ELOC: variants seen among roughly 807,000 people sequenced by gnomAD.
ELOC encodes the protein elongin C, also known as elongin-C.
For missense variants in ELOC, 38 were observed against 139.0 expected, an observed-to-expected ratio of 0.27 and a Z score of 3.65; for synonymous variants, 40 against 51.3, an observed-to-expected ratio of 0.78 and a Z score of 0.94.
At position 73,948,013 on chromosome 8, in the gene ELOC, T is replaced by C. The variant is rs569813986; in HGVS notation, c.149-1193A>G. On this transcript the variant is annotated intron_variant, in intron 3 of 3. Coordinates refer to ENST00000520242, the MANE Select transcript of ELOC (RefSeq NM_005648.4). ...TTCGAGAGCAGCCTGACTAACATAG[T>C]GAAACCCCATCTGTACTAAAAATAC... Among the ~76,000 whole-genome samples, 166 of 152,138 alleles carry C rather than the reference T, an allele frequency of 1.1e-3. 1 individual carries two copies. Among genetic ancestry groups the C allele is most frequent in the African/African-American group, 3.9e-3 (161 of 41,518 alleles).
At chr8:73,951,786 C>T (rs72661843) in intron 3 of ELOC, among the ~76,000 whole-genome samples, 46,407 of 152,034 alleles carry the variant, frequency 0.31, 7,348 homozygotes, top group Admixed American at 0.39. Context: ...GATTTTGAAA[C>T]TTACTACAAA....
Position 73,959,835 on chromosome 8 carries a change from A to G in ELOC, c.-50-17T>C. On this transcript the variant is annotated splice_polypyrimidine_tract_variant and intron_variant, in intron 1 of 3. Coordinates refer to ENST00000520242, the MANE Select transcript of ELOC (RefSeq NM_005648.4). Reference sequence around the variant, plus strand: ...AGTAGTTTCCTGAAAATATAACAATATCATATTAAGATTAATGTTGCAAGA... The same window carrying G: ...AGTAGTTTCCTGAAAATATAACAATGTCATATTAAGATTAATGTTGCAAGA... 1 of 1,330,914 alleles carries G rather than the reference A, an allele frequency of 7.5e-7. No homozygotes were observed. The highest frequency in any genetic ancestry group is 1.0e-6 in the Non-Finnish European group (1 of 975,918). 82.4% of individuals were successfully genotyped at this position (1,330,914 alleles called of 1,614,324 possible). A position where few individuals can be genotyped will look rare whatever the true frequency, so the allele number is the denominator to read the frequency against.
intron 1 of ELOC, among the ~76,000 whole-genome samples, chr8:73,965,036 C>CAAAAAA (rs61081733): frequency 1.2e-4 from 10 of 81,446 alleles, no homozygotes; most frequent in African/African-American, 2.4e-4. Flanking sequence ...AAAAACAAAC[C>CAAAAAA]AAAAAAAAAA....
At chr8:73,949,984 A>C (rs921636712) in intron 3 of ELOC, among the ~76,000 whole-genome samples, 2 of 152,138 alleles carry the variant, frequency 1.3e-5, no homozygotes, top group Non-Finnish European at 2.9e-5. Flanking sequence ...CATCAGAGCC[A>C]TGTTGTGTGT....
At position 73,945,500 on chromosome 8, in the gene ELOC, G is replaced by C. The variant is rs1813328429; in HGVS notation, c.*1130C>G. 1 of 152,136 alleles carries C rather than the reference G, an allele frequency of 6.6e-6. No individual in the cohort carries two copies. Among genetic ancestry groups the C allele is most frequent in the South Asian group, 2.1e-4 (1 of 4,824 alleles). The allele number at this position is 152,136 out of a possible 1,614,324, so 9.4% of individuals were successfully genotyped here. A position where few individuals can be genotyped will look rare whatever the true frequency, so the allele number is the denominator to read the frequency against. Reference sequence around the variant, plus strand: ...AACTTTGTTCCACCTCTGAGATAAAGACAATACTAAACCCATCTCCAGTGC... The same window carrying C: ...AACTTTGTTCCACCTCTGAGATAAACACAATACTAAACCCATCTCCAGTGC... On this transcript the variant is annotated 3_prime_UTR_variant, in exon 4 of 4. Coordinates refer to ENST00000520242, the MANE Select transcript of ELOC (RefSeq NM_005648.4).
intron 1 of ELOC, among the ~76,000 whole-genome samples, chr8:73,967,906 A>G (rs1815100399): frequency 6.6e-6 from 1 of 152,140 alleles, no homozygotes; most frequent in Admixed American, 6.6e-5. Flanking sequence ...TAACTTGTTG[A>G]CTCTGTTCTA....
At chr8:73,950,765 A>G (rs1813700984) in intron 3 of ELOC, among the ~76,000 whole-genome samples, 1 of 152,256 alleles carries the variant, frequency 6.6e-6, no homozygotes, top group South Asian at 2.1e-4. Context: ...TGGAATTTTA[A>G]CTATGAGTTT....
intron 3 of ELOC, among the ~76,000 whole-genome samples, chr8:73,949,241 A>C (rs112280693): frequency 0.011 from 1,635 of 152,322 alleles, 30 homozygotes; most frequent in African/African-American, 0.037. Context: ...GGGAGAAAGG[A>C]GTACTGCGGG....
intron 3 of ELOC, among the ~76,000 whole-genome samples, chr8:73,951,637 C>T (rs1813763152): frequency 7.5e-6 from 1 of 133,762 alleles, no homozygotes; most frequent in Admixed American, 7.8e-5. Context: ...AACAAACAAA[C>T]AAAAAACCCC....
intron 1 of ELOC, among the ~76,000 whole-genome samples, chr8:73,968,809 G>A (rs1815167009): frequency 6.6e-6 from 1 of 152,172 alleles, no homozygotes; most frequent in African/African-American, 2.4e-5. Context: ...CATTTTAGGG[G>A]TTCTTATCAA....
chr8:73,959,827 A>G lies in ELOC; in HGVS notation c.-50-9T>C. On this transcript the variant is annotated splice_polypyrimidine_tract_variant and intron_variant, in intron 1 of 3. Coordinates refer to ENST00000520242, the MANE Select transcript of ELOC (RefSeq NM_005648.4). ...GGAACTTTAGTAGTTTCCTGAAAAT[A>G]TAACAATATCATATTAAGATTAATG... 6 of 1,391,578 alleles carry G rather than the reference A, an allele frequency of 4.3e-6. No homozygotes were observed. The highest frequency in any genetic ancestry group is 2.4e-5 in the East Asian group (1 of 41,084). 86.2% of individuals were successfully genotyped at this position (1,391,578 alleles called of 1,614,324 possible). A position where few individuals can be genotyped will look rare whatever the true frequency, so the allele number is the denominator to read the frequency against.
At chr8:73,965,036 CAAA>C (rs61081733) in intron 1 of ELOC, among the ~76,000 whole-genome samples, 4 of 81,416 alleles carry the variant, frequency 4.9e-5, no homozygotes, top group African/African-American at 4.8e-5. Context: ...AAAAACAAAC[CAAA>C]AAAAAAAAAA....
In ELOC at chr8:73,968,383, C is replaced by T. The variant is rs1373690220; in HGVS notation, c.-51+3694G>A. ...AACACAGAACTTAAGGGCTGCAGAGCGCTGCATGTTCTGAGTCTGTCTGCC... is the reference window on the plus strand; with the variant it reads ...AACACAGAACTTAAGGGCTGCAGAGTGCTGCATGTTCTGAGTCTGTCTGCC... On this transcript the variant is annotated intron_variant, in intron 1 of 3. Coordinates refer to ENST00000520242, the MANE Select transcript of ELOC (RefSeq NM_005648.4). 5.9e-5 allele frequency among the ~76,000 whole-genome samples: 9 copies of T among 152,178 alleles called. No individual in the cohort carries two copies. The East Asian group carries it at 1.5e-3, about 26-fold the overall frequency.
In ELOC at chr8:73,959,805, A is replaced by G. The variant is rs1814470093; in HGVS notation, c.-37T>C. 6.5e-7 allele frequency: 1 copy of G among 1,529,368 alleles called. No individual in the cohort carries two copies. 94.7% of individuals were successfully genotyped at this position (1,529,368 alleles called of 1,614,324 possible). A position where few individuals can be genotyped will look rare whatever the true frequency, so the allele number is the denominator to read the frequency against. ...GAAATTCTACTTTGCTTCCCCAGGA[A>G]CTTTAGTAGTTTCCTGAAAATATAA... On this transcript the variant is annotated 5_prime_UTR_variant, in exon 2 of 4. Transcript: ENST00000520242.
chr8:73,969,092 T>C (rs576475627), intron 1 of ELOC, among the ~76,000 whole-genome samples: 1 of 152,326 alleles, frequency 6.6e-6, no homozygotes, highest in African/African-American at 2.4e-5. Context: ...ATCATCTCCC[T>C]AGTTTTTCTC....
At chr8:73,967,911 G>C (rs1266649275) in intron 1 of ELOC, among the ~76,000 whole-genome samples, 1 of 152,222 alleles carries the variant, frequency 6.6e-6, no homozygotes, top group Non-Finnish European at 1.5e-5. Flanking sequence ...TGTTGACTCT[G>C]TTCTAGCAGG....
chr8:73,961,286 A>G (rs1394370345), intron 1 of ELOC, among the ~76,000 whole-genome samples: 1 of 152,192 alleles, frequency 6.6e-6, no homozygotes, highest in Non-Finnish European at 1.5e-5. Context: ...AATTCCTGAC[A>G]AATTTTAGTT....
In ELOC at chr8:73,946,452, T is replaced by A. The variant is rs571204613; in HGVS notation, c.*178A>T. The A allele has an allele frequency of 3.8e-5, 18 of 474,972 alleles. No individual in the cohort carries two copies. The highest frequency in any genetic ancestry group is 5.8e-5 in the African/African-American group (3 of 51,370). 29.4% of individuals were successfully genotyped at this position (474,972 alleles called of 1,614,324 possible). On this transcript the variant is annotated 3_prime_UTR_variant, in exon 4 of 4. Coordinates refer to ENST00000520242, the MANE Select transcript of ELOC (RefSeq NM_005648.4). ...TGTGAAAATGTCCTTAATTTGTTGA[T>A]GTAGCAAACAAATTTCAACTTTGAT...
At chr8:73,949,624 T>C (rs935899158) in intron 3 of ELOC, among the ~76,000 whole-genome samples, 3 of 152,216 alleles carry the variant, frequency 2.0e-5, no homozygotes, top group Non-Finnish European at 2.9e-5. Context: ...TTACCTACTC[T>C]GGATATTTCA....
Sources: gnomAD v4.1 joint callset for allele counts (sites outside exome capture counted in the v4.1 genomes callset) on GRCh38, gnomAD v4.1.1 for gene constraint, MANE v1.5 for transcripts, NCBI Gene and HGNC (gene_info 2026-07-23, HGNC 2026-07-21) for gene names.